The following TSGA10 variants were observed in gnomAD, a reference collection of about 807,000 sequenced individuals.
TSGA10 encodes the protein testis specific 10, also known as testis-specific gene 10 protein.
TSGA10 carries 43 observed loss-of-function variants against 96.6 expected under a neutral mutation model. The observed-to-expected ratio is 0.44, with a 90% confidence interval of 0.35 to 0.57. The LOEUF is 0.57. TSGA10 is among the 20% of genes least tolerant of loss of function. The pLI is 0.01. For missense variants in TSGA10, 703 were observed against 834.4 expected (o/e 0.84, Z 1.94); for synonymous variants, 229 against 269.9 (o/e 0.85, Z 1.48).
chr2:99,059,588 G>A (rs2084425409), intron 16 of TSGA10, among the ~76,000 whole-genome samples: 1 of 150,200 alleles, frequency 6.7e-6, no homozygotes, highest in Admixed American at 6.6e-5. Context: ...GCAGTGAGCC[G>A]AGATCACGCC....
chr2:99,130,420 C>T (rs1326154396), intron 1 of TSGA10, among the ~76,000 whole-genome samples: 2 of 152,186 alleles, frequency 1.3e-5, no homozygotes, highest in African/African-American at 4.8e-5. Context: ...GCATAAATGT[C>T]TTCTTTTGAG....
chr2:99,070,676 T>C (rs1462367975), intron 14 of TSGA10, among the ~76,000 whole-genome samples: 1 of 152,174 alleles, frequency 6.6e-6, no homozygotes, highest in East Asian at 1.9e-4. Context: ...CTTTAGCCCA[T>C]ATGCTCTAGC....
At chr2:99,109,922 T>C (rs552051757) in intron 5 of TSGA10, among the ~76,000 whole-genome samples, 25 of 152,216 alleles carry the variant, frequency 1.6e-4, no homozygotes, top group African/African-American at 4.8e-4. Context: ...CCCAGCACAT[T>C]GGGAGGCCGA....
chr2:99,052,190 TAA>T (rs1465362214), intron 16 of TSGA10, among the ~76,000 whole-genome samples: 2 of 151,746 alleles, frequency 1.3e-5, no homozygotes, highest in Admixed American at 6.6e-5. Flanking sequence ...TCAATGAAAC[TAA>T]GAGTTGATTT....
At chr2:99,147,504 C>T (rs1326903677) in intron 1 of TSGA10, 1 of 1,613,406 alleles carries the variant, frequency 6.2e-7, no homozygotes, top group Non-Finnish European at 8.5e-7. Flanking sequence ...GTAAGACTCA[C>T]AGGGCCAAGT....
chr2:99,082,554 A>T (rs1186054131), intron 10 of TSGA10, among the ~76,000 whole-genome samples: 1 of 151,878 alleles, frequency 6.6e-6, no homozygotes, highest in African/African-American at 2.4e-5. Context: ...CTTAATCTCA[A>T]TCTAAGCATC....
chr2:99,134,430 A>G (rs940109154), intron 1 of TSGA10, among the ~76,000 whole-genome samples: 1 of 152,080 alleles, frequency 6.6e-6, no homozygotes, highest in Non-Finnish European at 1.5e-5. Flanking sequence ...CAGCTCCAAC[A>G]GGTCATTTAT....
intron 17 of TSGA10, among the ~76,000 whole-genome samples, chr2:99,034,732 T>A (rs1179804076): frequency 1.3e-5 from 2 of 152,152 alleles, no homozygotes; most frequent in Non-Finnish European, 2.9e-5. Flanking sequence ...GTGTCTCTTA[T>A]TAATATATCA....
chr2:99,080,178 C>G (rs2087270636), intron 11 of TSGA10, among the ~76,000 whole-genome samples: 1 of 152,188 alleles, frequency 6.6e-6, no homozygotes, highest in African/African-American at 2.4e-5. Flanking sequence ...CCTCAACCCA[C>G]TCTATCTTCT....
At position 99,105,392 on chromosome 2, in the gene TSGA10, T is replaced by A. The variant is rs772227551; in HGVS notation, c.426A>T (p.Gln142His). Reference protein sequence around the residue: ...TAFNEKAHLEQRIEELECTVH... With the variant: ...TAFNEKAHLEHRIEELECTVH... ...CTGTACACTCCAGCTCCTCTATCCT[T>A]TGTTCCAGGTGAGCCTTCTCATTAA... is the stretch of plus-strand genomic sequence containing the variant. Residue 142 changes from glutamine to histidine, a missense_variant, in exon 9 of 21, where the codon CAA becomes CAT. By Grantham distance (24) the Gln-to-His change is conservative. Transcript: ENST00000393483. 14 of 1,613,268 alleles carry A rather than the reference T, an allele frequency of 8.7e-6. No individual in the cohort carries two copies. In the African/African-American group the frequency reaches 1.5e-4, roughly 17 times the overall value.
rs543967382 is a variant in TSGA10, at chr2:99,115,617, T to C, written c.-140+1927A>G. On this transcript the variant is annotated intron_variant, in intron 4 of 20. Coordinates refer to ENST00000393483, the MANE Select transcript of TSGA10 (RefSeq NM_025244.4). ...TATTATGGCCAGGTGTGGTGGCTCA[T>C]GCCTGTAATCCCAGCACTTTGGGAG... 6.6e-5 allele frequency among the ~76,000 whole-genome samples: 10 copies of C among 152,208 alleles called. No individual in the cohort carries two copies. The East Asian group carries it at 1.9e-3, about 29-fold the overall frequency.
chr2:99,000,699 G>C (rs1280146569), intron 20 of TSGA10, among the ~76,000 whole-genome samples: 4 of 152,180 alleles, frequency 2.6e-5, no homozygotes, highest in Non-Finnish European at 5.9e-5. Flanking sequence ...AAGCAGGGCA[G>C]GGCATCGCCT....
Position 99,068,870 on chromosome 2 carries a change from GAA to G in TSGA10, c.1218+16_1218+17del. ...GAAAACTAAGTATCATGAGCAAAAAGAAAAAAAAAATACATACTTCAGACTTT... is the reference window on the plus strand; with the variant it reads ...GAAAACTAAGTATCATGAGCAAAAAGAAAAAAAATACATACTTCAGACTTT... On this transcript the variant is annotated intron_variant, in intron 15 of 20. Coordinates refer to ENST00000393483, the MANE Select transcript of TSGA10 (RefSeq NM_025244.4). 1.0e-5 allele frequency: 12 copies of G among 1,195,360 alleles called. No individual in the cohort carries two copies. The highest frequency in any genetic ancestry group is 2.2e-5 in the South Asian group (1 of 45,768). 74.0% of individuals were successfully genotyped at this position (1,195,360 alleles called of 1,614,324 possible).
intron 16 of TSGA10, among the ~76,000 whole-genome samples, chr2:99,059,007 G>T (rs2084318970): frequency 6.8e-6 from 1 of 147,416 alleles, no homozygotes; most frequent in Non-Finnish European, 1.5e-5. Context: ...GTGTGCTCCA[G>T]TCTGGGCAAC....
At chr2:99,139,930 C>A (rs1363549034) in intron 1 of TSGA10, among the ~76,000 whole-genome samples, 1 of 152,082 alleles carries the variant, frequency 6.6e-6, no homozygotes, top group Non-Finnish European at 1.5e-5. Flanking sequence ...AATAGTAATA[C>A]CTCTAACTGC....
Position 99,108,950 on chromosome 2 carries a change from T to G in TSGA10, c.93A>C (p.Arg31Ser), listed in dbSNP as rs1414520178. 6 of 1,601,646 alleles carry G rather than the reference T, an allele frequency of 3.7e-6. No homozygotes were observed. The highest frequency in any genetic ancestry group is 5.1e-6 in the Non-Finnish European group (6 of 1,176,494). ...GCATGCATTTAAGTTCTTCACGATCTCTTGTTGTTGTCTTCAAAAGTTCTA... is the reference window on the plus strand; with the variant it reads ...GCATGCATTTAAGTTCTTCACGATCGCTTGTTGTTGTCTTCAAAAGTTCTA... ...CDVELLKTTT[R>S]DREELKCMLE... Residue 31 changes from arginine (R) to serine (S), a missense_variant, in exon 7 of 21, where the codon AGA becomes AGC. Physicochemically the swap from Arg to Ser is moderately radical, Grantham distance 110. This residue lies in a region of TSGA10 where 585 missense variants were observed against 656.8 expected (regional missense o/e 0.89). Transcript: ENST00000393483.
chr2:99,080,563 A>T (rs1055760519), intron 11 of TSGA10, among the ~76,000 whole-genome samples: 1 of 152,192 alleles, frequency 6.6e-6, no homozygotes, highest in Non-Finnish European at 1.5e-5. Context: ...TTGGGACTTA[A>T]AATACCCAAA....
At chr2:99,131,551 T>C (rs2093084699) in intron 1 of TSGA10, among the ~76,000 whole-genome samples, 1 of 152,188 alleles carries the variant, frequency 6.6e-6, no homozygotes, top group Non-Finnish European at 1.5e-5. Flanking sequence ...AAATATACAA[T>C]CATGTCATCT....
intron 15 of TSGA10, among the ~76,000 whole-genome samples, chr2:99,068,561 C>A (rs879355406): frequency 6.6e-6 from 1 of 152,106 alleles, no homozygotes; most frequent in African/African-American, 2.4e-5. Flanking sequence ...TCAGGTGGAA[C>A]CTCTTTTGTC....
Sources: allele counts gnomAD v4.1 joint callset (sites outside exome capture counted in the v4.1 genomes callset), GRCh38; gene constraint gnomAD v4.1.1; regional missense constraint gnomAD v4.1.1; transcripts MANE v1.5; gene names NCBI Gene and HGNC (gene_info 2026-07-23, HGNC 2026-07-21).